Variants in FCGRT observed in about 807,000 individuals in gnomAD.
The protein encoded by FCGRT is Fc gamma receptor and transporter.
FCGRT carries 13 observed loss-of-function variants against 35.7 expected under a neutral mutation model. That is an observed-to-expected ratio of 0.36 (90% confidence interval 0.24 to 0.58). The LOEUF is 0.58. Among genes scored for constraint, FCGRT ranks in the 20% least tolerant of loss-of-function variants. The pLI is 0.77. For synonymous variants in FCGRT, 233 were observed against 216.5 expected (o/e 1.08, Z -0.67); for missense variants, 455 against 474.9 (o/e 0.96, Z 0.39).
In FCGRT at chr19:49,526,093, G is replaced by A. The variant is rs762437562; in HGVS notation, c.1072G>A (p.Val358Ile). The change falls in exon 7 of 7, where the codon GTA (valine) becomes ATA (isoleucine). Residue 358 changes from valine to isoleucine, a missense_variant. Val to Ile is a conservative substitution (Grantham distance 29). This residue lies in a region of FCGRT where 312 missense variants were observed against 296.1 expected (regional missense o/e 1.05). Coordinates refer to ENST00000221466, the MANE Select transcript of FCGRT (RefSeq NM_001136019.3). ...GEAQDADLKD[V>I]NVIPATA ...GGCCCAGGATGCTGATTTGAAGGATGTAAATGTGATTCCAGCCACCGCCTG... is the reference window on the plus strand; with the variant it reads ...GGCCCAGGATGCTGATTTGAAGGATATAAATGTGATTCCAGCCACCGCCTG... 4.0e-5 allele frequency: 64 copies of A among 1,613,028 alleles called. No homozygotes were observed. The highest frequency in any genetic ancestry group is 5.3e-5 in the Non-Finnish European group (62 of 1,179,272).
At chr19:49,513,824 C>T in intron 2 of FCGRT, 58 bp from the exon 3 acceptor site, 1 of 1,406,540 alleles carries the variant, frequency 7.1e-7, no homozygotes. Context: ...GGGTATCTGT[C>T]CCACTGCAGT....
chr19:49,517,350 G>A (rs2080013489), intron 4 of FCGRT, among the ~76,000 whole-genome samples: 1 of 152,076 alleles, frequency 6.6e-6, no homozygotes, highest in South Asian at 2.1e-4. Flanking sequence ...AATTAGCCGG[G>A]TGCGGTGGTG....
intron 4 of FCGRT, among the ~76,000 whole-genome samples, chr19:49,523,405 AAAAAT>A (rs1385373072): frequency 3.9e-5 from 6 of 152,142 alleles, no homozygotes; most frequent in African/African-American, 1.4e-4. Flanking sequence ...CGTCTCTACT[AAAAAT>A]AAAAAAATTA....
rs199915795 is a variant in FCGRT at position 49,526,128 on chromosome 19, C to T, written c.*9C>T. The T allele has an allele frequency of 1.7e-5, 27 of 1,567,324 alleles. No homozygotes were observed. The East Asian group carries it at 5.6e-4, about 32-fold the overall frequency. On this transcript the variant is annotated 3_prime_UTR_variant, in exon 7 of 7. Coordinates refer to ENST00000221466, the MANE Select transcript of FCGRT (RefSeq NM_001136019.3). ...TTCCAGCCACCGCCTGACCATCCGC[C>T]ATTCCGACTGCTAAAAGCGAATGTA...
At chr19:49,522,385 A>T (rs544045741) in intron 4 of FCGRT, among the ~76,000 whole-genome samples, 204 of 151,908 alleles carry the variant, frequency 1.3e-3, no homozygotes, top group African/African-American at 4.7e-3. Context: ...CTGTCTGCTA[A>T]TATTATGTTT....
chr19:49,526,202 G>A lies in FCGRT; in HGVS notation c.*83G>A. The A allele has an allele frequency of 2.2e-6, 2 of 921,530 alleles. No individual in the cohort carries two copies. Among genetic ancestry groups the A allele is most frequent in the South Asian group, 1.4e-5 (1 of 70,378 alleles). The allele number at this position is 921,530 out of a possible 1,614,324, so 57.1% of individuals were successfully genotyped here. ...GACCTCCTGGAACACTGGCATCTCT[G>A]AGCCTCCAGAAGGGGTTCTGGGCCT... On this transcript the variant is annotated 3_prime_UTR_variant, in exon 7 of 7. Transcript: ENST00000221466.
At chr19:49,513,040 G>GGGAAGAGC (rs1448563335) in intron 1 of FCGRT, 4 of 159,674 alleles carry the variant, frequency 2.5e-5, no homozygotes, top group African/African-American at 1.1e-4. Flanking sequence ...CTGGGTCCGA[G>GGGAAGAGC]GGTAGAGCGG....
At chr19:49,517,020 T>G (rs1395466777) in intron 4 of FCGRT, among the ~76,000 whole-genome samples, 3 of 151,898 alleles carry the variant, frequency 2.0e-5, no homozygotes, top group Non-Finnish European at 4.4e-5. Context: ...TAAGACCGCA[T>G]CTCTACTAAA....
chr19:49,520,345 G>A (rs2080033920), intron 4 of FCGRT, among the ~76,000 whole-genome samples: 1 of 135,332 alleles, frequency 7.4e-6, no homozygotes, highest in South Asian at 2.3e-4. Context: ...GGCCAGGATG[G>A]ATTTTTTTTT....
In FCGRT at chr19:49,526,276, C is replaced by G; in HGVS notation, c.*157C>G. 1 of 610,854 alleles carries G rather than the reference C, an allele frequency of 1.6e-6. No individual in the cohort carries two copies. Among genetic ancestry groups the G allele is most frequent in the Non-Finnish European group, 2.9e-6 (1 of 342,052 alleles). 37.8% of individuals were successfully genotyped at this position (610,854 alleles called of 1,614,324 possible). ...GTCCTGTGGTCTGCCTCAGTTTCCC[C>G]TCCTAATACATATGGCTGTTTTCCA... On this transcript the variant is annotated 3_prime_UTR_variant, in exon 7 of 7. Transcript: ENST00000221466.
At chr19:49,524,057 C>T (rs1273507696) in intron 4 of FCGRT, among the ~76,000 whole-genome samples, 12 of 149,086 alleles carry the variant, frequency 8.0e-5, no homozygotes, top group Admixed American at 2.0e-4. Context: ...CTCACTCTGT[C>T]GCCCAGGCTG....
At chr19:49,523,638 A>G (rs1328410363) in intron 4 of FCGRT, among the ~76,000 whole-genome samples, 1 of 151,970 alleles carries the variant, frequency 6.6e-6, no homozygotes, top group Non-Finnish European at 1.5e-5. Context: ...AGGCGGATGG[A>G]TCATGAGGTC....
At chr19:49,524,401 G>A (rs1175560368) in intron 4 of FCGRT, 106 bp from the exon 5 acceptor site, 1 of 1,229,790 alleles carries the variant, frequency 8.1e-7, no homozygotes, top group Non-Finnish European at 1.1e-6. Context: ...TGTATTATCT[G>A]CGGTTAGCAC....
At chr19:49,513,769 C>A in intron 2 of FCGRT, 113 bp from the exon 3 acceptor site, 1 of 295,480 alleles carries the variant, frequency 3.4e-6, no homozygotes, top group Non-Finnish European at 5.5e-6. Context: ...TCCCCTCTCT[C>A]TGAATCTGTC....
intron 4 of FCGRT, among the ~76,000 whole-genome samples, chr19:49,516,899 T>C (rs2080010944): frequency 6.6e-6 from 1 of 151,502 alleles, no homozygotes; most frequent in Non-Finnish European, 1.5e-5. Flanking sequence ...GAAACAATAG[T>C]ATAAAACGGA....
chr19:49,523,720 TGTG>T (rs1353235209), intron 4 of FCGRT, among the ~76,000 whole-genome samples: 1 of 151,204 alleles, frequency 6.6e-6, no homozygotes, highest in Non-Finnish European at 1.5e-5. Flanking sequence ...ATTAGCCAAG[TGTG>T]GTGGTGGGCA....
intron 4 of FCGRT, among the ~76,000 whole-genome samples, chr19:49,518,183 C>T (rs1473076805): frequency 6.6e-6 from 1 of 151,998 alleles, no homozygotes; most frequent in Admixed American, 6.6e-5. Flanking sequence ...AAATTAATAC[C>T]AAAACCATCA....
intron 1 of FCGRT, chr19:49,513,141 G>A (rs1332749845): frequency 9.9e-6 from 3 of 303,048 alleles, no homozygotes; most frequent in Admixed American, 1.0e-4. Context: ...CCTGAGGGGG[G>A]CGGAAGGGGC....
intron 6 of FCGRT, among the ~76,000 whole-genome samples, 182 bp downstream of exon 6, chr19:49,525,755 A>C (rs1363964474): frequency 1.3e-5 from 2 of 150,800 alleles, no homozygotes; most frequent in Non-Finnish European, 3.0e-5. Context: ...AGAGACCCAG[A>C]GACGGGGGAA....
Sources: allele counts gnomAD v4.1 joint callset (sites outside exome capture counted in the v4.1 genomes callset), GRCh38; gene constraint gnomAD v4.1.1; regional missense constraint gnomAD v4.1.1; transcripts MANE v1.5; gene names NCBI Gene and HGNC (gene_info 2026-07-23, HGNC 2026-07-21).